The following CHFR variants were observed in gnomAD, a reference collection of about 807,000 sequenced individuals.
The protein encoded by CHFR is checkpoint with forkhead and ring finger domains, also known as E3 ubiquitin-protein ligase CHFR.
Under a neutral mutation model 87.6 loss-of-function variants are expected in CHFR, and 57 were observed. The observed-to-expected ratio is 0.65, with a 90% CI of 0.53 to 0.81. The LOEUF is 0.81. Among genes scored for constraint, CHFR ranks in the 30% least tolerant of loss-of-function variants. CHFR has a pLI of 0.00. For missense variants in CHFR, 797 were observed against 865.8 expected (o/e 0.92, Z 1.00); for synonymous variants, 381 against 359.2 (o/e 1.06, Z -0.69).
At chr12:132,870,223 C>T (rs1951454129) in intron 5 of CHFR, among the ~76,000 whole-genome samples, 1 of 151,986 alleles carries the variant, frequency 6.6e-6, no homozygotes, top group African/African-American at 2.4e-5. Flanking sequence ...ATGGTAGCGA[C>T]TGCCTGTAGT....
chr12:132,838,805 G>C lies in CHFR; in HGVS notation c.*2749C>G, dbSNP rs1405035822. ...ACAGAAGCTCATGAAAAGACGGAATGAGTTCACGGCCACCTGCTTCCATAA... is the reference window on the plus strand; with the variant it reads ...ACAGAAGCTCATGAAAAGACGGAATCAGTTCACGGCCACCTGCTTCCATAA... On this transcript the variant is annotated 3_prime_UTR_variant, in exon 18 of 18. Transcript: ENST00000450056. 1 of 152,280 alleles carries C rather than the reference G, an allele frequency of 6.6e-6. No individual in the cohort carries two copies. Among genetic ancestry groups the C allele is most frequent in the Non-Finnish European group, 1.5e-5 (1 of 68,082 alleles). The allele number at this position is 152,280 out of a possible 1,614,324, so 9.4% of individuals were successfully genotyped here.
chr12:132,872,555 C>A (rs1395150602), intron 3 of CHFR, among the ~76,000 whole-genome samples, 161 bp from the exon 4 acceptor site: 1 of 152,198 alleles, frequency 6.6e-6, no homozygotes, highest in Non-Finnish European at 1.5e-5. Flanking sequence ...GCACCCCTCA[C>A]CATTCTCTCA....
intron 6 of CHFR, 27 bp from the exon 7 acceptor site, chr12:132,861,661 T>G: frequency 1.2e-6 from 2 of 1,608,590 alleles, no homozygotes; most frequent in Non-Finnish European, 1.7e-6. Flanking sequence ...ACAAGATAGG[T>G]GCTGATCCAT....
In CHFR at chr12:132,835,608, G is replaced by A. The variant is rs1187722441; in HGVS notation, c.*5946C>T. Reference sequence around the variant, plus strand: ...GAGAACTCAAGGAGATGCTGCCCACGAGCCAAGGAGACAGACCAAAGAGGA... The same window carrying A: ...GAGAACTCAAGGAGATGCTGCCCACAAGCCAAGGAGACAGACCAAAGAGGA... On this transcript the variant is annotated 3_prime_UTR_variant, in exon 18 of 18. Coordinates refer to ENST00000450056, the MANE Select transcript of CHFR (RefSeq NM_001161346.2). 3 of 178,820 alleles carry A rather than the reference G, an allele frequency of 1.7e-5. No homozygotes were observed. Among genetic ancestry groups the A allele is most frequent in the South Asian group, 9.9e-5 (1 of 10,152 alleles). The allele number at this position is 178,820 out of a possible 1,614,324, so 11.1% of individuals were successfully genotyped here.
In CHFR at chr12:132,843,178, G is replaced by A. The variant is rs374767368; in HGVS notation, c.1844-95C>T. 6.1e-4 allele frequency: 674 copies of A among 1,099,092 alleles called. 2 individuals are homozygous for A. In the African/African-American group the frequency reaches 7.7e-3, roughly 13 times the overall value. 68.1% of individuals were successfully genotyped at this position (1,099,092 alleles called of 1,614,324 possible). A position where few individuals can be genotyped will look rare whatever the true frequency, so the allele number is the denominator to read the frequency against. On this transcript the variant is annotated intron_variant, in intron 16 of 17. Coordinates refer to ENST00000450056, the MANE Select transcript of CHFR (RefSeq NM_001161346.2). The stretch of plus-strand genomic sequence containing the variant: ...GCAGAGACCCAACGACAGACGCTGC[G>A]GTGGAAACGCACGGCCTCTGGTCCC...
At position 132,853,705 on chromosome 12, in the gene CHFR, G is replaced by A. The variant is rs1418471922; in HGVS notation, c.1230-132C>T. 16 of 1,142,030 alleles carry A rather than the reference G, an allele frequency of 1.4e-5. 1 individual carries two copies. The highest frequency in any genetic ancestry group is 5.5e-4 in the Middle Eastern group (2 of 3,654). 70.7% of individuals were successfully genotyped at this position (1,142,030 alleles called of 1,614,324 possible). A position where few individuals can be genotyped will look rare whatever the true frequency, so the allele number is the denominator to read the frequency against. ...GCTGCTTGGTGTGAGGGGAAGGGCC[G>A]GGCCCCATTCCTGTCCAGCACCCCA... On this transcript the variant is annotated intron_variant, in intron 10 of 17. Coordinates refer to ENST00000450056, the MANE Select transcript of CHFR (RefSeq NM_001161346.2).
At position 132,875,190 on chromosome 12, in the gene CHFR, T is replaced by A. The variant is rs372647321; in HGVS notation, c.233+2365A>T. ...GGAAACGGAGCATCAGTTCTTCCTATTAAAACCTACTTCCTAGTCTTCTAT... is the reference window on the plus strand; with the variant it reads ...GGAAACGGAGCATCAGTTCTTCCTAATAAAACCTACTTCCTAGTCTTCTAT... On this transcript the variant is annotated intron_variant, in intron 3 of 17. Coordinates refer to ENST00000450056, the MANE Select transcript of CHFR (RefSeq NM_001161346.2). Among the ~76,000 whole-genome samples, 16 of 152,258 alleles carry A rather than the reference T, an allele frequency of 1.1e-4. No homozygotes were observed. The East Asian group carries it at 2.5e-3, about 24-fold the overall frequency.
At chr12:132,867,472 G>C (rs1345177886) in intron 6 of CHFR, 1 of 152,180 alleles carries the variant, frequency 6.6e-6, no homozygotes, top group Admixed American at 6.5e-5. Context: ...GAGGCTTCCT[G>C]GTGCCTGCCA....
chr12:132,847,975 C>T (rs1204705666), intron 14 of CHFR, 110 bp downstream of exon 14: 7 of 1,555,614 alleles, frequency 4.5e-6, no homozygotes, highest in Non-Finnish European at 6.1e-6. Flanking sequence ...CTCCCCAACC[C>T]GCAGCGGGTC....
At position 132,853,447 on chromosome 12, in the gene CHFR, G is replaced by T; in HGVS notation, c.1356C>A (p.Ser452=). The T allele has an allele frequency of 6.6e-7, 1 of 1,525,558 alleles. No homozygotes were observed. The highest frequency in any genetic ancestry group is 8.7e-7 in the Non-Finnish European group (1 of 1,145,464). The allele number at this position is 1,525,558 out of a possible 1,614,324, so 94.5% of individuals were successfully genotyped here. A position where few individuals can be genotyped will look rare whatever the true frequency, so the allele number is the denominator to read the frequency against. The change falls in exon 11 of 18, where the codon TCC becomes TCA. Residue 452 remains serine (S), a synonymous_variant. Coordinates refer to ENST00000450056, the MANE Select transcript of CHFR (RefSeq NM_001161346.2). ...GCGGCTCACCTGTCGTCAGGCTGAC[G>T]GACGTGGAGGGTGCATCCCCCAGGG... The part of the protein sequence containing the change: ...PQALGDAPST[S]VSLTTAVQDY...
chr12:132,879,093 C>T (rs1951707010), intron 2 of CHFR, among the ~76,000 whole-genome samples: 1 of 149,552 alleles, frequency 6.7e-6, no homozygotes, highest in South Asian at 2.1e-4. Context: ...CAACCTCCAC[C>T]TCCCAGGTTC....
chr12:132,857,104 G>A (rs1265453055), intron 9 of CHFR, among the ~76,000 whole-genome samples: 2 of 119,994 alleles, frequency 1.7e-5, no homozygotes, highest in African/African-American at 3.3e-5. Flanking sequence ...TGGAGGGACA[G>A]CCCTCACGTG....
intron 2 of CHFR, among the ~76,000 whole-genome samples, chr12:132,878,029 T>C (rs943275161): frequency 2.6e-5 from 4 of 152,014 alleles, no homozygotes; most frequent in East Asian, 1.9e-4. Context: ...GTCTCGATCT[T>C]TTGACCTCAT....
intron 4 of CHFR, 53 bp downstream of exon 4, chr12:132,872,232 C>A: frequency 1.7e-6 from 2 of 1,165,930 alleles, no homozygotes; most frequent in South Asian, 2.5e-5. Context: ...AGAGAGCGCC[C>A]TCACGTGCAC....
intron 2 of CHFR, among the ~76,000 whole-genome samples, chr12:132,881,389 A>C (rs1951766006): frequency 6.6e-6 from 1 of 152,262 alleles, no homozygotes; most frequent in Non-Finnish European, 1.5e-5. Context: ...ATGTATAGAG[A>C]ACTCTGATAA....
rs1197532742 is a variant in CHFR, at chr12:132,839,072, C to T, written c.*2482G>A. 6.6e-6 allele frequency: 1 copy of T among 152,300 alleles called. No homozygotes were observed. The highest frequency in any genetic ancestry group is 2.4e-5 in the African/African-American group (1 of 41,442). 9.4% of individuals were successfully genotyped at this position (152,300 alleles called of 1,614,324 possible). A position where few individuals can be genotyped will look rare whatever the true frequency, so the allele number is the denominator to read the frequency against. ...GTGAGTCCCTAGGACACCTGGAGCC[C>T]AGAGGCTCTCTGAGCTGCCTGCCCT... On this transcript the variant is annotated 3_prime_UTR_variant, in exon 18 of 18. Transcript: ENST00000450056.
At chr12:132,873,865 G>A (rs1566200022) in intron 3 of CHFR, among the ~76,000 whole-genome samples, 3 of 152,282 alleles carry the variant, frequency 2.0e-5, no homozygotes, top group African/African-American at 4.8e-5. Context: ...TCACTCCTCC[G>A]CTTACACCCC....
intron 12 of CHFR, 75 bp downstream of exon 12, chr12:132,851,543 G>A: frequency 2.0e-6 from 3 of 1,487,682 alleles, no homozygotes; most frequent in Admixed American, 4.0e-5. Flanking sequence ...TTACCCTAAG[G>A]CCAACACCGC....
Position 132,832,386 on chromosome 12 carries a change from A to T in CHFR, c.*9168T>A, listed in dbSNP as rs1950623976. 6.6e-6 allele frequency: 1 copy of T among 152,222 alleles called. No homozygotes were observed. Among genetic ancestry groups the T allele is most frequent in the Non-Finnish European group, 1.5e-5 (1 of 68,034 alleles). 9.4% of individuals were successfully genotyped at this position (152,222 alleles called of 1,614,324 possible). A position where few individuals can be genotyped will look rare whatever the true frequency, so the allele number is the denominator to read the frequency against. ...GAAATAGGGAAAACATTTAATTAGC[A>T]TAAGATCTAGTATTCCATAGCACAG... On this transcript the variant is annotated 3_prime_UTR_variant, in exon 18 of 18. Coordinates refer to ENST00000450056, the MANE Select transcript of CHFR (RefSeq NM_001161346.2).
Sources: gnomAD v4.1 joint callset for allele counts (sites outside exome capture counted in the v4.1 genomes callset) on GRCh38, gnomAD v4.1.1 for gene constraint, MANE v1.5 for transcripts, NCBI Gene and HGNC (gene_info 2026-07-23, HGNC 2026-07-21) for gene names.